Variants in OR6N1 observed in about 807,000 individuals in gnomAD.
OR6N1 encodes olfactory receptor 6N1.
For missense variants in OR6N1, 394 were observed against 371.7 expected, an observed-to-expected ratio of 1.06 and a Z score of -0.49; for synonymous variants, 170 against 150.7, an observed-to-expected ratio of 1.13 and a Z score of -0.94.
chr1:158,803,811 A>T, the OR6N1 span, among the ~76,000 whole-genome samples: 1 of 152,244 alleles, frequency 6.6e-6, no homozygotes, highest in African/African-American at 2.4e-5. Flanking sequence ...TTCCAAGTTT[A>T]GTTCTTGCCT....
the OR6N1 span, among the ~76,000 whole-genome samples, chr1:158,796,745 G>C: frequency 6.6e-6 from 1 of 151,948 alleles, no homozygotes; most frequent in Admixed American, 6.6e-5. Flanking sequence ...TTGTCAATTT[G>C]GGGAGCTCAT....
chr1:158,799,407 A>G, the OR6N1 span, among the ~76,000 whole-genome samples: 2 of 152,214 alleles, frequency 1.3e-5, no homozygotes, highest in Non-Finnish European at 2.9e-5. Flanking sequence ...GTTTAAGTAG[A>G]AGGTCATTCA....
chr1:158,805,153 C>T, the OR6N1 span, among the ~76,000 whole-genome samples: 1 of 152,154 alleles, frequency 6.6e-6, no homozygotes, highest in African/African-American at 2.4e-5. Flanking sequence ...TCACTGGATA[C>T]ATTGATAGTA....
intron 1 of OR6N1, among the ~76,000 whole-genome samples, chr1:158,769,772 T>C (rs998593320): frequency 2.6e-5 from 4 of 152,198 alleles, no homozygotes; most frequent in Non-Finnish European, 5.9e-5. Flanking sequence ...GTTTCTCTAC[T>C]TAGATTCCAG....
At chr1:158,786,130 G>A in the OR6N1 span, among the ~76,000 whole-genome samples, 2 of 152,156 alleles carry the variant, frequency 1.3e-5, no homozygotes, top group Admixed American at 6.5e-5. Context: ...CTAATATCCA[G>A]AATCTACAAG....
At chr1:158,816,482 C>T in the OR6N1 span, among the ~76,000 whole-genome samples, 4 of 152,064 alleles carry the variant, frequency 2.6e-5, no homozygotes, top group Admixed American at 1.3e-4. Flanking sequence ...CTTAAGTCTA[C>T]GAGTTCCAGA....
chr1:158,770,552 T>G (rs1657398729), intron 1 of OR6N1, among the ~76,000 whole-genome samples: 1 of 152,206 alleles, frequency 6.6e-6, no homozygotes, highest in Non-Finnish European at 1.5e-5. Context: ...GAGAGAAGCT[T>G]TAGGAACTAT....
At chr1:158,812,982 A>G in the OR6N1 span, among the ~76,000 whole-genome samples, 1 of 152,246 alleles carries the variant, frequency 6.6e-6, no homozygotes, top group African/African-American at 2.4e-5. Flanking sequence ...CAAGATAGGC[A>G]TTTATAAAAC....
chr1:158,787,464 T>C, the OR6N1 span, among the ~76,000 whole-genome samples: 1 of 152,186 alleles, frequency 6.6e-6, no homozygotes, highest in African/African-American at 2.4e-5. Flanking sequence ...CAGCAATATG[T>C]AAACAAATAA....
At chr1:158,803,179 G>C in the OR6N1 span, among the ~76,000 whole-genome samples, 1 of 152,152 alleles carries the variant, frequency 6.6e-6, no homozygotes, top group East Asian at 1.9e-4. Context: ...GTTCAAATTG[G>C]AAAAGCTTTC....
At chr1:158,778,737 G>T in the OR6N1 span, among the ~76,000 whole-genome samples, 2 of 152,086 alleles carry the variant, frequency 1.3e-5, no homozygotes, top group Non-Finnish European at 2.9e-5. Flanking sequence ...AGATTCGGCC[G>T]GGCATGGTGA....
chr1:158,790,888 G>A, the OR6N1 span, among the ~76,000 whole-genome samples: 1 of 152,266 alleles, frequency 6.6e-6, no homozygotes, highest in East Asian at 1.9e-4. Flanking sequence ...GGACCATGGA[G>A]GTGGTTTTGT....
chr1:158,836,141 T>TA, the OR6N1 span, among the ~76,000 whole-genome samples: 37,717 of 150,118 alleles, frequency 0.25, 4,960 homozygotes, highest in Admixed American at 0.35. Context: ...TAGCATTTTG[T>TA]AAAAAAAAAA....
chr1:158,823,254 A>C, the OR6N1 span, among the ~76,000 whole-genome samples: 1 of 152,072 alleles, frequency 6.6e-6, no homozygotes, highest in Admixed American at 6.6e-5. Flanking sequence ...CTTCCTCCTC[A>C]ATTTTTTTGA....
chr1:158,768,124 TCA>T (rs930655309), intron 1 of OR6N1, among the ~76,000 whole-genome samples: 4 of 152,172 alleles, frequency 2.6e-5, no homozygotes, highest in African/African-American at 9.7e-5. Flanking sequence ...CCTTTTAATG[TCA>T]CAGTGCCCAT....
At chr1:158,811,791 T>C in the OR6N1 span, among the ~76,000 whole-genome samples, 2 of 152,204 alleles carry the variant, frequency 1.3e-5, no homozygotes, top group South Asian at 2.1e-4. Flanking sequence ...GAGGAAACCA[T>C]TGAGTCTCTT....
the OR6N1 span, among the ~76,000 whole-genome samples, chr1:158,793,202 T>C: frequency 1.3e-5 from 2 of 151,972 alleles, no homozygotes; most frequent in African/African-American, 2.4e-5. Context: ...TTTTTCATGT[T>C]GATTTTCATT....
the OR6N1 span, chr1:158,831,700 T>C: frequency 4.6e-5 from 7 of 152,210 alleles, no homozygotes; most frequent in Admixed American, 4.6e-4. Flanking sequence ...GCTTTAACTG[T>C]CTAGGTAGCA....
At chr1:158,817,519 T>A in the OR6N1 span, among the ~76,000 whole-genome samples, 1 of 152,376 alleles carries the variant, frequency 6.6e-6, no homozygotes, top group Non-Finnish European at 1.5e-5. Context: ...ATTAATTTTC[T>A]AGTGCTGCTT....
Sources: gnomAD v4.1 joint callset for allele counts (sites outside exome capture counted in the v4.1 genomes callset) on GRCh38, gnomAD v4.1.1 for gene constraint, MANE v1.5 for transcripts, NCBI Gene and HGNC (gene_info 2026-07-23, HGNC 2026-07-21) for gene names.